Variants in ITPR1 observed in about 807,000 individuals in gnomAD.
ITPR1 encodes inositol 1,4,5-trisphosphate receptor type 1.
Under a neutral mutation model 318.4 loss-of-function variants are expected in ITPR1, and 96 were observed. That is an observed-to-expected ratio of 0.30 (90% confidence interval 0.26 to 0.36). The LOEUF (loss-of-function observed/expected upper bound fraction) is 0.36, where lower values mean the gene tolerates loss of function less well. ITPR1 is among the 10% of genes least tolerant of loss of function. The pLI, the probability that ITPR1 is intolerant of heterozygous loss-of-function variation, is 1.00. For missense variants in ITPR1, 2,440 were observed against 3,460.2 expected (o/e 0.71, Z 7.40); for synonymous variants, 1,312 against 1,289.9 (o/e 1.02, Z -0.37).
At chr3:4,611,231 C>CAAAAAAAA (rs748883296) in intron 4 of ITPR1, among the ~76,000 whole-genome samples, 7 of 101,032 alleles carry the variant, frequency 6.9e-5, no homozygotes, top group African/African-American at 1.4e-4. Flanking sequence ...CTCATCTCTA[C>CAAAAAAAA]AAAAAAAAAA....
chr3:4,798,829 A>G (rs531304706), intron 53 of ITPR1, among the ~76,000 whole-genome samples: 1 of 152,374 alleles, frequency 6.6e-6, no homozygotes, highest in South Asian at 2.1e-4. Context: ...AGTCAAGCAC[A>G]AAGGACTACC....
intron 53 of ITPR1, among the ~76,000 whole-genome samples, chr3:4,797,330 G>C (rs2047964745): frequency 6.6e-6 from 1 of 152,098 alleles, no homozygotes; most frequent in South Asian, 2.1e-4. Flanking sequence ...CTAGAAACAA[G>C]ATCTGGTTTG....
At chr3:4,500,018 T>C (rs1217918529) in intron 2 of ITPR1, among the ~76,000 whole-genome samples, 2 of 152,216 alleles carry the variant, frequency 1.3e-5, no homozygotes, top group Non-Finnish European at 2.9e-5. Context: ...CCATTAGTTC[T>C]CTCGTCAGTG....
intron 44 of ITPR1, among the ~76,000 whole-genome samples, chr3:4,758,691 C>A (rs1321112824): frequency 6.6e-6 from 1 of 151,948 alleles, no homozygotes; most frequent in Non-Finnish European, 1.5e-5. Context: ...AAGGAGTGTC[C>A]CCCTTTGAAC....
intron 49 of ITPR1, among the ~76,000 whole-genome samples, chr3:4,780,955 T>G (rs1371551138): frequency 1.3e-5 from 2 of 152,180 alleles, no homozygotes; most frequent in East Asian, 3.9e-4. Context: ...TTGGAGAACA[T>G]CATTCTGGCT....
intron 4 of ITPR1, among the ~76,000 whole-genome samples, chr3:4,544,848 C>T (rs146181662): frequency 1.0e-3 from 153 of 152,260 alleles, no homozygotes; most frequent in Middle Eastern, 6.8e-3. Flanking sequence ...GACTGGAGTG[C>T]GTGTGGTGGT....
chr3:4,527,193 T>C (rs2083051587), intron 4 of ITPR1, among the ~76,000 whole-genome samples: 1 of 152,194 alleles, frequency 6.6e-6, no homozygotes, highest in Non-Finnish European at 1.5e-5. Flanking sequence ...TGTAGTTTTA[T>C]GGAGACAAGG....
At chr3:4,684,994 C>G (rs2094366187) in intron 29 of ITPR1, 75 bp from the exon 30 acceptor site, 2 of 1,480,502 alleles carry the variant, frequency 1.4e-6, no homozygotes, top group South Asian at 2.4e-5. Context: ...GCCTCCCTGC[C>G]CGCCACCACC....
chr3:4,683,091 G>C (rs1022289454), intron 26 of ITPR1, among the ~76,000 whole-genome samples: 5 of 152,164 alleles, frequency 3.3e-5, no homozygotes, highest in Non-Finnish European at 7.3e-5. Context: ...GACCACAGAC[G>C]AAGCCCAGCA....
In ITPR1 at chr3:4,836,917, G is replaced by T; in HGVS notation, c.8172G>T (p.Leu2724=). The change falls in exon 61 of 62, where the codon CTG becomes CTT. Residue 2724 remains leucine, a synonymous_variant. Transcript: ENST00000649015. ...MKLVTNLSGQ[L]SELKDQMTEQ... Reference sequence around the variant, plus strand: ...TTGTCACGAACCTTTCTGGCCAGCTGTCGGAATTAAAGGATCAGGTAAAGA... The same window carrying T: ...TTGTCACGAACCTTTCTGGCCAGCTTTCGGAATTAAAGGATCAGGTAAAGA... The T allele has an allele frequency of 1.9e-6, 3 of 1,590,646 alleles. No individual in the cohort carries two copies. In the African/African-American group the frequency reaches 4.0e-5, roughly 21 times the overall value.
chr3:4,571,602 G>A (rs554435941), intron 4 of ITPR1, among the ~76,000 whole-genome samples: 66 of 152,224 alleles, frequency 4.3e-4, no homozygotes, highest in Admixed American at 4.6e-4. Context: ...CTAAAGTGCT[G>A]GGATTATAGG....
intron 4 of ITPR1, among the ~76,000 whole-genome samples, chr3:4,602,642 A>T (rs2091384311): frequency 6.6e-6 from 1 of 152,114 alleles, no homozygotes; most frequent in African/African-American, 2.4e-5. Context: ...GATTTTAAAA[A>T]GGGTTGTAGA....
chr3:4,657,039 C>G (rs548745879), intron 12 of ITPR1, among the ~76,000 whole-genome samples: 3 of 152,292 alleles, frequency 2.0e-5, no homozygotes, highest in South Asian at 2.1e-4. Context: ...TGTTCCTCAG[C>G]CTTCGCTATC....
At position 4,800,421 on chromosome 3, in the gene ITPR1, G is replaced by A; in HGVS notation, c.6932-4G>A. 6.2e-7 allele frequency: 1 copy of A among 1,613,104 alleles called. No homozygotes were observed. Among genetic ancestry groups the A allele is most frequent in the Non-Finnish European group, 8.5e-7 (1 of 1,179,626 alleles). ...TGTGAGAGAACCCTGTTTTGTCCTTGCAGGAACCCTGGAGCCCCACTGGTC... is the reference window on the plus strand; with the variant it reads ...TGTGAGAGAACCCTGTTTTGTCCTTACAGGAACCCTGGAGCCCCACTGGTC... On this transcript the variant is annotated splice_polypyrimidine_tract_variant and splice_region_variant and intron_variant, in intron 53 of 61. Transcript: ENST00000649015.
chr3:4,821,086 A>G (rs535683472), intron 60 of ITPR1, among the ~76,000 whole-genome samples: 2 of 152,328 alleles, frequency 1.3e-5, no homozygotes, highest in South Asian at 4.1e-4. Context: ...CTCTTGAATG[A>G]GCCAACCCCA....
intron 61 of ITPR1, among the ~76,000 whole-genome samples, chr3:4,841,148 T>C (rs530150641): frequency 6.6e-6 from 1 of 152,314 alleles, no homozygotes; most frequent in South Asian, 2.1e-4. Flanking sequence ...AAAAGAAGAC[T>C]AAGTCAACAT....
intron 4 of ITPR1, among the ~76,000 whole-genome samples, chr3:4,534,453 T>G (rs2083681644): frequency 6.6e-6 from 1 of 152,178 alleles, no homozygotes; most frequent in African/African-American, 2.4e-5. Flanking sequence ...GGCACTGATT[T>G]GGGAGAGATA....
chr3:4,504,427 G>A (rs1028913299), intron 2 of ITPR1, among the ~76,000 whole-genome samples: 1 of 152,200 alleles, frequency 6.6e-6, no homozygotes, highest in East Asian at 1.9e-4. Context: ...AAACTTCTGA[G>A]TTGGTGACTT....
chr3:4,621,496 T>C (rs2092632404), intron 4 of ITPR1, among the ~76,000 whole-genome samples: 1 of 152,090 alleles, frequency 6.6e-6, no homozygotes. Context: ...GGATTACAAT[T>C]CAACACGAGA....
Sources: allele counts gnomAD v4.1 joint callset (sites outside exome capture counted in the v4.1 genomes callset), GRCh38; gene constraint gnomAD v4.1.1; transcripts MANE v1.5; gene names NCBI Gene and HGNC (gene_info 2026-07-23, HGNC 2026-07-21).